RB1: variants seen among roughly 807,000 people sequenced by gnomAD.
RB1 encodes RB transcriptional corepressor 1.
In RB1, 18 loss-of-function variants were observed where a neutral mutation model predicts 135.4. That is an observed-to-expected ratio of 0.13 (90% CI 0.09 to 0.20). RB1 has a LOEUF of 0.20. Among genes scored for constraint, RB1 ranks in the 10% least tolerant of loss-of-function variants. The pLI is 1.00. For missense variants in RB1, 868 were observed against 1,110.0 expected, an observed-to-expected ratio of 0.78 and a Z score of 3.10; for synonymous variants, 365 against 373.2, an observed-to-expected ratio of 0.98 and a Z score of 0.25.
chr13:48,429,807 A>G (rs35907912), intron 17 of RB1, among the ~76,000 whole-genome samples: 1 of 152,352 alleles, frequency 6.6e-6, no homozygotes, highest in Admixed American at 6.5e-5. Flanking sequence ...TATTCAATTT[A>G]CAGCAATAAC....
rs114977299 is a variant in RB1 at position 48,317,523 on chromosome 13, G to A, written c.264+10117G>A. ...TGTGAAAGCTCCCCCCAGCACCTCC[G>A]GCCTCGGTGCCCGCTGTGGCACTGC... On this transcript the variant is annotated intron_variant, in intron 2 of 26. Transcript: ENST00000267163. The A allele has an allele frequency of 7.4e-3, 3,269 of 441,328 alleles. 91 individuals carry two copies. The highest frequency in any genetic ancestry group is 0.061 in the African/African-American group (2,972 of 48,448). The allele number at this position is 441,328 out of a possible 1,614,324, so 27.3% of individuals were successfully genotyped here. A position where few individuals can be genotyped will look rare whatever the true frequency, so the allele number is the denominator to read the frequency against.
At chr13:48,364,040 A>C (rs1952668927) in intron 8 of RB1, among the ~76,000 whole-genome samples, 1 of 152,162 alleles carries the variant, frequency 6.6e-6, no homozygotes, top group Non-Finnish European at 1.5e-5. Context: ...TAGTTTAAGA[A>C]GTATTAGAAT....
At chr13:48,373,361 T>C in intron 11 of RB1, 44 bp from the exon 12 acceptor site, 1 of 1,188,626 alleles carries the variant, frequency 8.4e-7, no homozygotes, top group Non-Finnish European at 1.3e-6. Context: ...TCTTTTTTTC[T>C]CCCTTCATTG....
intron 17 of RB1, among the ~76,000 whole-genome samples, chr13:48,391,020 C>T (rs1948606857): frequency 1.3e-5 from 2 of 152,114 alleles, no homozygotes; most frequent in Non-Finnish European, 1.5e-5. Context: ...CTATTTGTCT[C>T]ATCTCCCTTT....
intron 9 of RB1, among the ~76,000 whole-genome samples, chr13:48,365,201 CTT>C (rs1952683079): frequency 6.6e-6 from 1 of 152,066 alleles, no homozygotes; most frequent in African/African-American, 2.4e-5. Flanking sequence ...AGAAATCAAT[CTT>C]TATTGAATTT....
At chr13:48,375,756 T>A (rs1417895427) in intron 12 of RB1, among the ~76,000 whole-genome samples, 2 of 151,250 alleles carry the variant, frequency 1.3e-5, no homozygotes, top group Admixed American at 6.6e-5. Flanking sequence ...TTATTGTAAT[T>A]TTTGTGGAGA....
chr13:48,332,075 A>G (rs939767265), intron 2 of RB1, among the ~76,000 whole-genome samples: 1 of 152,256 alleles, frequency 6.6e-6, no homozygotes, highest in African/African-American at 2.4e-5. Flanking sequence ...AAATCCTGCC[A>G]TTTGCAAGAA....
chr13:48,310,597 G>A (rs546588292), intron 2 of RB1, among the ~76,000 whole-genome samples: 1 of 152,180 alleles, frequency 6.6e-6, no homozygotes, highest in Non-Finnish European at 1.5e-5. Context: ...CTTGCAAACA[G>A]AATAATTTTA....
chr13:48,473,073 G>C (rs1253576339), intron 23 of RB1, among the ~76,000 whole-genome samples: 1 of 152,084 alleles, frequency 6.6e-6, no homozygotes, highest in African/African-American at 2.4e-5. Context: ...AACTAAGTAG[G>C]GGTAACCTTG....
At chr13:48,418,377 G>A (rs1425107463) in intron 17 of RB1, among the ~76,000 whole-genome samples, 3 of 151,996 alleles carry the variant, frequency 2.0e-5, no homozygotes, top group Non-Finnish European at 4.4e-5. Context: ...AGCTCCTGAA[G>A]GAAGCACTAA....
intron 2 of RB1, among the ~76,000 whole-genome samples, chr13:48,337,876 T>G (rs1358637339): frequency 6.6e-6 from 1 of 152,224 alleles, no homozygotes; most frequent in East Asian, 1.9e-4. Context: ...GCAGGCCTGG[T>G]GGTGACAAAA....
Position 48,367,325 on chromosome 13 carries a change from C to A in RB1, c.940-169C>A, listed in dbSNP as rs1952712355. ...AAAGTTGAACAAATGTTGCAATTTTCTGTACCTCACTTTTAGATAGACCTT... is the reference window on the plus strand; with the variant it reads ...AAAGTTGAACAAATGTTGCAATTTTATGTACCTCACTTTTAGATAGACCTT... On this transcript the variant is annotated intron_variant, in intron 9 of 26. Transcript: ENST00000267163. Among the ~76,000 whole-genome samples, 3 of 152,196 alleles carry A rather than the reference C, an allele frequency of 2.0e-5. No individual in the cohort carries two copies. In the South Asian group the frequency reaches 6.2e-4, roughly 32 times the overall value.
intron 17 of RB1, among the ~76,000 whole-genome samples, chr13:48,405,512 C>T (rs1035191912): frequency 1.3e-5 from 2 of 152,148 alleles, no homozygotes; most frequent in African/African-American, 4.8e-5. Context: ...AGATGGCATG[C>T]ACAGCCCACA....
chr13:48,410,369 G>A (rs1240153937), intron 17 of RB1, among the ~76,000 whole-genome samples: 3 of 152,064 alleles, frequency 2.0e-5, no homozygotes, highest in African/African-American at 7.2e-5. Flanking sequence ...GAAGCAGTAG[G>A]GTGTACCATA....
Position 48,364,913 on chromosome 13 carries a change from A to T in RB1, c.881A>T (p.Lys294Ile). The part of the protein sequence containing the change: ...NIDEVKNVYF[K>I]NFIPFMNSLG... Reference sequence around the variant, plus strand: ...TTTCAGGTGAAAAATGTTTATTTCAAAAATTTTATACCTTTTATGAATTCT... The same window carrying T: ...TTTCAGGTGAAAAATGTTTATTTCATAAATTTTATACCTTTTATGAATTCT... The change falls in exon 9 of 27, where the codon AAA (lysine) becomes ATA (isoleucine). Residue 294 changes from lysine (K) to isoleucine (I), a missense_variant. Lys to Ile is a moderately radical substitution (Grantham distance 102). Transcript: ENST00000267163. 1 of 1,561,452 alleles carries T rather than the reference A, an allele frequency of 6.4e-7. No individual in the cohort carries two copies. The highest frequency in any genetic ancestry group is 1.2e-5 in the South Asian group (1 of 85,342).
chr13:48,410,449 A>G (rs1948783526), intron 17 of RB1, among the ~76,000 whole-genome samples: 1 of 152,208 alleles, frequency 6.6e-6, no homozygotes, highest in African/African-American at 2.4e-5. Context: ...TTTGCACGAC[A>G]TAATTACCTA....
At chr13:48,350,966 TTATC>T (rs1316947017) in intron 6 of RB1, among the ~76,000 whole-genome samples, 3 of 152,240 alleles carry the variant, frequency 2.0e-5, no homozygotes, top group African/African-American at 7.2e-5. Context: ...CACATTTTCT[TTATC>T]CATTCTGTCA....
At chr13:48,363,641 C>A (rs1455364669) in intron 8 of RB1, among the ~76,000 whole-genome samples, 1 of 152,168 alleles carries the variant, frequency 6.6e-6, no homozygotes, top group Non-Finnish European at 1.5e-5. Context: ...GTGATACCAA[C>A]ATTAAATTTC....
chr13:48,437,541 A>G (rs1294792864), intron 17 of RB1, among the ~76,000 whole-genome samples: 1 of 152,292 alleles, frequency 6.6e-6, no homozygotes, highest in East Asian at 1.9e-4. Context: ...GGCTGCAGCT[A>G]GTTTAAGGCT....
Sources: gnomAD v4.1 joint callset for allele counts (sites outside exome capture counted in the v4.1 genomes callset) on GRCh38, gnomAD v4.1.1 for gene constraint, MANE v1.5 for transcripts, NCBI Gene and HGNC (gene_info 2026-07-23, HGNC 2026-07-21) for gene names.